IQGAP1: variants seen among roughly 807,000 people sequenced by gnomAD.
IQGAP1 encodes IQ motif containing GTPase activating protein 1, also known as ras GTPase-activating-like protein IQGAP1.
A neutral mutation model predicts 215.6 loss-of-function variants in IQGAP1; 66 were observed. The ratio of observed to expected loss-of-function variants is 0.31; its 90% CI spans 0.25 to 0.38. IQGAP1 has a LOEUF of 0.38. Ranked by LOEUF, IQGAP1 falls within the 10% of genes least tolerant of loss-of-function variation. IQGAP1 has a pLI of 1.00. For missense variants in IQGAP1, 1,712 were observed against 1,997.1 expected (o/e 0.86, Z 2.72); for synonymous variants, 772 against 728.7 (o/e 1.06, Z -0.96).
At chr15:90,445,611 A>G (rs779524968) in intron 9 of IQGAP1, among the ~76,000 whole-genome samples, 5 of 152,156 alleles carry the variant, frequency 3.3e-5, no homozygotes, top group Non-Finnish European at 7.3e-5. Context: ...AATTCCTAGC[A>G]TAGGTTTAGA....
In IQGAP1 at chr15:90,452,662, A is replaced by G. The variant is rs928719234; in HGVS notation, c.1163-113A>G. On this transcript the variant is annotated intron_variant, in intron 11 of 37. Transcript: ENST00000268182. ...TTTTAAAGACGAAAGTTCCACTTCA[A>G]ACTTCATGGCTGATAGCCACAGAAT... 1.8e-5 allele frequency: 22 copies of G among 1,256,850 alleles called. No homozygotes were observed. The Admixed American group carries it at 3.5e-4, about 20-fold the overall frequency. The allele number at this position is 1,256,850 out of a possible 1,614,324, so 77.9% of individuals were successfully genotyped here.
chr15:90,413,640 G>A (rs994093130), intron 2 of IQGAP1, among the ~76,000 whole-genome samples: 3 of 152,162 alleles, frequency 2.0e-5, no homozygotes, highest in African/African-American at 7.2e-5. Flanking sequence ...TGAAAAGAGA[G>A]CTGGAACCAG....
At chr15:90,435,992 G>C (rs1054778336) in intron 5 of IQGAP1, among the ~76,000 whole-genome samples, 1 of 151,146 alleles carries the variant, frequency 6.6e-6, no homozygotes, top group African/African-American at 2.4e-5. Flanking sequence ...TGCTATATTG[G>C]ATAAGGCTCC....
chr15:90,388,488 G>C, intron 1 of IQGAP1, 92 bp downstream of exon 1: 5 of 795,004 alleles, frequency 6.3e-6, no homozygotes, highest in South Asian at 1.9e-5. Flanking sequence ...GGCGGGTGGG[G>C]CAGGGCGGCT....
intron 31 of IQGAP1, 47 bp from the exon 32 acceptor site, chr15:90,486,907 C>A (rs757551166): frequency 2.5e-6 from 4 of 1,574,338 alleles, no homozygotes; most frequent in Non-Finnish European, 3.5e-6. Context: ...CCCCCAATAT[C>A]TCCTCTCTTT....
At chr15:90,477,036 A>G (rs1965989452) in intron 24 of IQGAP1, 31 bp from the exon 25 acceptor site, 7 of 1,606,162 alleles carry the variant, frequency 4.4e-6, no homozygotes, top group Admixed American at 1.7e-5. Context: ...TATATTACCT[A>G]CAAATGACTT....
chr15:90,467,565 T>C lies in IQGAP1; in HGVS notation c.2151T>C (p.Ser717=). Reference sequence around the variant, plus strand: ...AACCTCCAAATTTTGTGCAAAATTCTATGCAGCTTTCTCGGGAGGAGATCC... The same window carrying C: ...AACCTCCAAATTTTGTGCAAAATTCCATGCAGCTTTCTCGGGAGGAGATCC... ...WDEPPNFVQN[S]MQLSREEIQS... The change falls in exon 18 of 38, where the codon TCT becomes TCC. Residue 717 remains serine, a synonymous_variant. Coordinates refer to ENST00000268182, the MANE Select transcript of IQGAP1 (RefSeq NM_003870.4). 1.2e-6 allele frequency: 2 copies of C among 1,612,248 alleles called. No homozygotes were observed. The highest frequency in any genetic ancestry group is 1.7e-6 in the Non-Finnish European group (2 of 1,179,398).
At chr15:90,481,844 G>C in intron 26 of IQGAP1, 116 bp from the exon 27 acceptor site, 1 of 1,074,990 alleles carries the variant, frequency 9.3e-7, no homozygotes, top group African/African-American at 1.6e-5. Flanking sequence ...CCGTGAGGAT[G>C]AGCTTAAGCT....
chr15:90,468,773 A>T (rs1455906985), intron 18 of IQGAP1, among the ~76,000 whole-genome samples: 1 of 152,096 alleles, frequency 6.6e-6, no homozygotes, highest in African/African-American at 2.4e-5. Flanking sequence ...CAAGGCTGTA[A>T]CGAGCCATGA....
chr15:90,467,017 G>A (rs1567135893), intron 17 of IQGAP1, among the ~76,000 whole-genome samples: 1 of 152,110 alleles, frequency 6.6e-6, no homozygotes, highest in Admixed American at 6.5e-5. Context: ...GCCTGAACCC[G>A]GGAGGCAGAG....
chr15:90,495,007 A>G (rs1966252769), intron 36 of IQGAP1, among the ~76,000 whole-genome samples, 172 bp downstream of exon 36: 1 of 152,196 alleles, frequency 6.6e-6, no homozygotes, highest in African/African-American at 2.4e-5. Flanking sequence ...TTTGTCATAA[A>G]AGAGTTTTTC....
chr15:90,451,731 A>C (rs561858339), intron 11 of IQGAP1, among the ~76,000 whole-genome samples: 18 of 151,554 alleles, frequency 1.2e-4, no homozygotes, highest in Non-Finnish European at 2.2e-4. Context: ...CTTTTCCCTG[A>C]TGTGTGTTCT....
chr15:90,428,891 G>A (rs1965263932), intron 3 of IQGAP1, among the ~76,000 whole-genome samples: 1 of 152,166 alleles, frequency 6.6e-6, no homozygotes, highest in East Asian at 1.9e-4. Flanking sequence ...TCATTCTGTC[G>A]CCTAGGCTGG....
At chr15:90,475,764 A>G (rs974878501) in intron 23 of IQGAP1, 4 of 151,518 alleles carry the variant, frequency 2.6e-5, no homozygotes, top group African/African-American at 9.7e-5. Context: ...AAAAAAAAAA[A>G]AAAAAAAAAA....
intron 8 of IQGAP1, among the ~76,000 whole-genome samples, chr15:90,442,976 A>C (rs976238840): frequency 3.3e-5 from 5 of 151,932 alleles, no homozygotes; most frequent in Non-Finnish European, 7.4e-5. Flanking sequence ...TGTCTCAAAA[A>C]AAAGACAGAA....
intron 2 of IQGAP1, among the ~76,000 whole-genome samples, chr15:90,408,897 T>A (rs1187348468): frequency 6.6e-6 from 1 of 152,118 alleles, no homozygotes; most frequent in African/African-American, 2.4e-5. Context: ...GCTCCAGCCA[T>A]CCCCAGACCT....
intron 2 of IQGAP1, among the ~76,000 whole-genome samples, chr15:90,392,951 G>A (rs532664635): frequency 8.6e-5 from 13 of 151,824 alleles, no homozygotes; most frequent in Non-Finnish European, 1.6e-4. Flanking sequence ...CACCATAATG[G>A]CCAGGCTGGT....
In IQGAP1 at chr15:90,452,296, A is replaced by AG. The variant is rs150485910; in HGVS notation, c.1163-476dup. 2.0e-3 allele frequency among the ~76,000 whole-genome samples: 312 copies of AG among 152,334 alleles called. 1 individual carries two copies. Among genetic ancestry groups the AG allele is most frequent in the African/African-American group, 7.3e-3 (302 of 41,566 alleles). ...AAGAACGTCCTAGTGCAGGACAATG[A>AG]GGGAAAAAGGAGGTGGGAGCGGAAG... is the stretch of plus-strand genomic sequence containing the variant. On this transcript the variant is annotated intron_variant, in intron 11 of 37. Transcript: ENST00000268182.
At chr15:90,431,182 G>A (rs548555302) in intron 4 of IQGAP1, 1 of 151,924 alleles carries the variant, frequency 6.6e-6, no homozygotes, top group South Asian at 2.1e-4. Context: ...TCAGAACTGA[G>A]TCTTTGCAGA....
Sources: allele counts gnomAD v4.1 joint callset (sites outside exome capture counted in the v4.1 genomes callset), GRCh38; gene constraint gnomAD v4.1.1; transcripts MANE v1.5; gene names NCBI Gene and HGNC (gene_info 2026-07-23, HGNC 2026-07-21).